The following AP4S1 variants were observed in gnomAD, a reference collection of about 807,000 sequenced individuals.
The protein encoded by AP4S1 is AP-4 complex subunit sigma-1.
A neutral mutation model predicts 19.8 loss-of-function variants in AP4S1; 23 were observed. The ratio of observed to expected loss-of-function variants is 1.16; its 90% CI spans 0.84 to 1.65. AP4S1 has a LOEUF of 1.65. Among genes scored for constraint, AP4S1 ranks in the 40% most tolerant of loss-of-function variants. AP4S1 has a pLI of 0.00. For synonymous variants in AP4S1, 46 were observed against 54.1 expected (o/e 0.85, Z 0.66); for missense variants, 166 against 172.8 (o/e 0.96, Z 0.22).
At chr14:31,054,872 A>AAG (rs1886014865) in intron 1 of AP4S1, among the ~76,000 whole-genome samples, 1 of 142,104 alleles carries the variant, frequency 7.0e-6, no homozygotes, top group South Asian at 2.2e-4. Flanking sequence ...TGTCTCAAAA[A>AAG]AAAAAAAAAA....
At chr14:31,047,126 T>C (rs1038839914) in intron 1 of AP4S1, among the ~76,000 whole-genome samples, 22 of 152,316 alleles carry the variant, frequency 1.4e-4, no homozygotes, top group African/African-American at 4.8e-4. Flanking sequence ...TTTTTTCACA[T>C]GCTTATTTGT....
chr14:31,053,460 C>T (rs187375419), intron 1 of AP4S1, among the ~76,000 whole-genome samples: 1 of 151,918 alleles, frequency 6.6e-6, no homozygotes, highest in African/African-American at 2.4e-5. Flanking sequence ...AGAACAGAGG[C>T]CAGAGAAGGA....
chr14:31,073,306 C>CAA, intron 4 of AP4S1: 2 of 241,636 alleles, frequency 8.3e-6, no homozygotes, highest in South Asian at 9.8e-5. Flanking sequence ...CTGGCTAATA[C>CAA]GGTGAAACCC....
chr14:31,041,027 G>C (rs1039387937), intron 1 of AP4S1, among the ~76,000 whole-genome samples: 2 of 146,824 alleles, frequency 1.4e-5, no homozygotes, highest in Admixed American at 6.9e-5. Context: ...AGTGAGCTGA[G>C]ATCGCACCAC....
At chr14:31,047,601 T>C (rs967568124) in intron 1 of AP4S1, among the ~76,000 whole-genome samples, 4 of 152,066 alleles carry the variant, frequency 2.6e-5, no homozygotes, top group Admixed American at 1.3e-4. Context: ...TTCACTGTGT[T>C]AGCCAGGATG....
chr14:31,062,870 G>A (rs1035886029), intron 1 of AP4S1, among the ~76,000 whole-genome samples: 1 of 152,102 alleles, frequency 6.6e-6, no homozygotes, highest in African/African-American at 2.4e-5. Context: ...GGGAGGCTGA[G>A]GTAGGAGAAT....
rs2066320290 is a variant in AP4S1, at chr14:31,025,819, C to T, written c.-72+32C>T. On this transcript the variant is annotated intron_variant, in intron 1 of 5. Transcript: ENST00000542754. ...TCCGCTCGGCCTCCCAAGGCGCCGG[C>T]TCCGGCTGAGTGGAGTCCCCAGCCC... 2.0e-6 allele frequency: 3 copies of T among 1,524,990 alleles called. No homozygotes were observed. In the South Asian group the frequency reaches 3.7e-5, roughly 19 times the overall value. The allele number at this position is 1,524,990 out of a possible 1,614,324, so 94.5% of individuals were successfully genotyped here.
chr14:31,053,795 TACCAGA>T (rs2139510917), intron 1 of AP4S1, among the ~76,000 whole-genome samples: 1 of 152,026 alleles, frequency 6.6e-6, no homozygotes, highest in African/African-American at 2.4e-5. Context: ...CATTTAAAGA[TACCAGA>T]AGAGAATAGT....
rs566645520 is a variant in AP4S1 at position 31,090,221 on chromosome 14, C to A, written c.307-2686C>A. The stretch of plus-strand genomic sequence containing the variant: ...GGCTGGTCTCGATCTCCTGACCTCA[C>A]GTAATCTGCCCACCTCAGCCTCCCA... On this transcript the variant is annotated intron_variant, in intron 5 of 5. Coordinates refer to ENST00000542754, the MANE Select transcript of AP4S1 (RefSeq NM_001128126.3). Among the ~76,000 whole-genome samples, 692 of 152,154 alleles carry A rather than the reference C, an allele frequency of 4.5e-3. 6 individuals carry two copies. Among genetic ancestry groups the A allele is most frequent in the African/African-American group, 0.016 (647 of 41,540 alleles).
At chr14:31,077,011 A>G (rs1331585329) in intron 4 of AP4S1, among the ~76,000 whole-genome samples, 1 of 152,108 alleles carries the variant, frequency 6.6e-6, no homozygotes, top group Non-Finnish European at 1.5e-5. Context: ...GGCTCACTGC[A>G]ACCTCCGTCC....
chr14:31,050,017 G>C (rs1885694135), intron 1 of AP4S1, among the ~76,000 whole-genome samples: 1 of 152,192 alleles, frequency 6.6e-6, no homozygotes, highest in Non-Finnish European at 1.5e-5. Context: ...CACTTCCCAG[G>C]TTCAAGCAGT....
At chr14:31,063,172 T>C (rs985748660) in intron 1 of AP4S1, among the ~76,000 whole-genome samples, 2 of 152,076 alleles carry the variant, frequency 1.3e-5, no homozygotes, top group Non-Finnish European at 2.9e-5. Flanking sequence ...GACTCATGCC[T>C]GTAATCCCAG....
intron 1 of AP4S1, among the ~76,000 whole-genome samples, chr14:31,027,833 GAC>G (rs1393886302): frequency 6.6e-6 from 1 of 152,046 alleles, no homozygotes; most frequent in Non-Finnish European, 1.5e-5. Context: ...TGAAAAATAA[GAC>G]AAAAATAATT....
intron 1 of AP4S1, among the ~76,000 whole-genome samples, chr14:31,061,735 C>T (rs968480873): frequency 6.6e-6 from 1 of 151,988 alleles, no homozygotes; most frequent in Admixed American, 6.6e-5. Context: ...CTCTGCCTCC[C>T]GGGTTCAAGT....
intron 4 of AP4S1, among the ~76,000 whole-genome samples, chr14:31,073,384 G>T (rs1412793443): frequency 7.4e-6 from 1 of 134,318 alleles, no homozygotes; most frequent in Non-Finnish European, 1.7e-5. Context: ...CAGCTACTCC[G>T]GAGGCTGAGG....
intron 1 of AP4S1, among the ~76,000 whole-genome samples, chr14:31,046,707 A>T (rs768833337): frequency 1.3e-5 from 2 of 152,090 alleles, no homozygotes; most frequent in African/African-American, 2.4e-5. Context: ...TTAGCCGGGC[A>T]TGGTGGTGGG....
Position 31,082,857 on chromosome 14 carries a change from C to G in AP4S1, c.306+2273C>G, listed in dbSNP as rs997050518. On this transcript the variant is annotated intron_variant, in intron 5 of 5. Coordinates refer to ENST00000542754, the MANE Select transcript of AP4S1 (RefSeq NM_001128126.3). The stretch of plus-strand genomic sequence containing the variant: ...CTTGCAGTGAGCCGAGATTGCGCCA[C>G]TGCACTCCAGCCTGGGCGACAGAGC... Among the ~76,000 whole-genome samples, 7 of 151,012 alleles carry G rather than the reference C, an allele frequency of 4.6e-5. 1 individual carries two copies. The South Asian group carries it at 8.3e-4, about 18-fold the overall frequency.
At chr14:31,078,702 G>A (rs996539997) in intron 4 of AP4S1, among the ~76,000 whole-genome samples, 1 of 152,102 alleles carries the variant, frequency 6.6e-6, no homozygotes, top group Non-Finnish European at 1.5e-5. Context: ...TGAATTATAG[G>A]TATAATTTTA....
chr14:31,089,798 A>C (rs1888026945), intron 5 of AP4S1, among the ~76,000 whole-genome samples: 1 of 151,926 alleles, frequency 6.6e-6, no homozygotes, highest in Non-Finnish European at 1.5e-5. Context: ...ACATGCCTGT[A>C]CTCCCAGCTA....
Sources: allele counts gnomAD v4.1 joint callset (sites outside exome capture counted in the v4.1 genomes callset), GRCh38; gene constraint gnomAD v4.1.1; transcripts MANE v1.5; gene names NCBI Gene and HGNC (gene_info 2026-07-23, HGNC 2026-07-21).